Variants in ASXL3 observed in about 807,000 individuals in gnomAD.
ASXL3 encodes putative Polycomb group protein ASXL3.
In ASXL3, 34 loss-of-function variants were observed where a neutral mutation model predicts 170.6. The observed-to-expected ratio is 0.20, with a 90% CI of 0.15 to 0.27. ASXL3 has a LOEUF of 0.27. Among genes scored for constraint, ASXL3 ranks in the 10% least tolerant of loss-of-function variants. The pLI, the probability that ASXL3 is intolerant of heterozygous loss-of-function variation, is 1.00. For synonymous variants in ASXL3, 1,002 were observed against 989.1 expected, an observed-to-expected ratio of 1.01 and a Z score of -0.24; for missense variants, 2,592 against 2,695.3, an observed-to-expected ratio of 0.96 and a Z score of 0.85.
At chr18:33,604,667 G>A (rs112933584) in intron 1 of ASXL3, among the ~76,000 whole-genome samples, 7 of 151,978 alleles carry the variant, frequency 4.6e-5, no homozygotes, top group African/African-American at 1.2e-4. Context: ...CAGAAGTGCC[G>A]TTAGCCATTA....
chr18:33,591,631 G>C (rs1435773970), intron 1 of ASXL3, among the ~76,000 whole-genome samples: 1 of 149,284 alleles, frequency 6.7e-6, no homozygotes, highest in Non-Finnish European at 1.5e-5. Flanking sequence ...ATCTTCTAAT[G>C]ACACTACTTT....
chr18:33,662,874 T>G (rs1668588346), intron 5 of ASXL3, among the ~76,000 whole-genome samples: 2 of 152,178 alleles, frequency 1.3e-5, no homozygotes, highest in African/African-American at 4.8e-5. Context: ...AATATGCACA[T>G]CCAAACTTCT....
At chr18:33,608,197 A>G (rs549323556) in intron 2 of ASXL3, among the ~76,000 whole-genome samples, 2 of 152,040 alleles carry the variant, frequency 1.3e-5, no homozygotes, top group South Asian at 2.1e-4. Context: ...TATATTCACA[A>G]AGTTCTGCAT....
At chr18:33,640,293 A>G (rs990992241) in intron 2 of ASXL3, among the ~76,000 whole-genome samples, 1 of 152,002 alleles carries the variant, frequency 6.6e-6, no homozygotes, top group Non-Finnish European at 1.5e-5. Context: ...TTCAGATAAC[A>G]TATATAAAGC....
chr18:33,712,434 T>C (rs1321797401), intron 8 of ASXL3, among the ~76,000 whole-genome samples: 1 of 152,172 alleles, frequency 6.6e-6, no homozygotes, highest in Non-Finnish European at 1.5e-5. Flanking sequence ...AAAGATGAGA[T>C]ATGAAAGAAT....
intron 8 of ASXL3, among the ~76,000 whole-genome samples, chr18:33,719,028 A>C (rs533396267): frequency 1.3e-5 from 2 of 151,958 alleles, no homozygotes; most frequent in Non-Finnish European, 2.9e-5. Flanking sequence ...CTCACAAAAA[A>C]CTCTAGGAAG....
chr18:33,744,546 A>C lies in ASXL3; in HGVS notation c.4698A>C (p.Pro1566=), dbSNP rs1445611841. The change falls in exon 12 of 12, where the codon CCA becomes CCC. Residue 1566 remains proline, a synonymous_variant. Transcript: ENST00000269197. ...CTSLRELPLV[P]DKLNEPTAPS... is the part of the protein sequence containing the mutation. ...GTCTCCGAGAATTACCCCTTGTTCC[A>C]GATAAATTAAATGAGCCGACTGCTC... 1 of 1,611,924 alleles carries C rather than the reference A, an allele frequency of 6.2e-7. No homozygotes were observed. Among genetic ancestry groups the C allele is most frequent in the Non-Finnish European group, 8.5e-7 (1 of 1,179,440 alleles).
rs752379676 is a variant in ASXL3, at chr18:33,744,361, G to A, written c.4513G>A (p.Val1505Met). The stretch of plus-strand genomic sequence containing the variant: ...CAGCTTGGACCTGCAGGGCAGACCA[G>A]TGAGGACAGAGGCATCCGTACAGCC... ...EASLDLQGRP[V>M]RTEASVQPVA... The change falls in exon 12 of 12, where the codon GTG becomes ATG. Residue 1505 changes from valine (V) to methionine (M), a missense_variant. Physicochemically the swap from Val to Met is conservative, Grantham distance 21. Around this residue, in one of 4 missense-constraint regions of ASXL3, gnomAD observed 2,246 missense variants for 2,219.6 expected, o/e 1.01. Coordinates refer to ENST00000269197, the MANE Select transcript of ASXL3 (RefSeq NM_030632.3). 3 of 1,613,862 alleles carry A rather than the reference G, an allele frequency of 1.9e-6. No homozygotes were observed. Among genetic ancestry groups the A allele is most frequent in the Admixed American group, 1.7e-5 (1 of 60,000 alleles).
chr18:33,713,337 C>T (rs1221588278), intron 8 of ASXL3, among the ~76,000 whole-genome samples: 1 of 78,462 alleles, frequency 1.3e-5, no homozygotes, highest in African/African-American at 5.8e-5. Context: ...TCACTGCAAC[C>T]TCCACCCCCC....
At chr18:33,699,897 T>C (rs1034219759) in intron 8 of ASXL3, among the ~76,000 whole-genome samples, 1 of 152,078 alleles carries the variant, frequency 6.6e-6, no homozygotes, top group Non-Finnish European at 1.5e-5. Context: ...ATTTATATTA[T>C]TGAGTTTTTC....
chr18:33,674,416 C>T (rs1022032368), intron 7 of ASXL3, among the ~76,000 whole-genome samples: 2 of 152,126 alleles, frequency 1.3e-5, no homozygotes, highest in African/African-American at 2.4e-5. Context: ...ACAATTCTGT[C>T]AAAAATAAAC....
intron 2 of ASXL3, among the ~76,000 whole-genome samples, chr18:33,633,706 G>A (rs949522506): frequency 1.6e-4 from 24 of 151,880 alleles, no homozygotes; most frequent in Admixed American, 1.3e-3. Flanking sequence ...TTAGCTGAGC[G>A]TGATGGCGCG....
At position 33,745,349 on chromosome 18, in the gene ASXL3, C is replaced by T. The variant is rs1197471473; in HGVS notation, c.5501C>T (p.Thr1834Ile). ...CACCCCAAAAAGAGAGTAGCTAGGA[C>T]TGTAGGAGAACACACTCAAGTTAAA... ...ENHPKKRVAR[T>I]VGEHTQVKCE... Residue 1834 changes from threonine (T) to isoleucine (I), a missense_variant, in exon 12 of 12, where the codon ACT (threonine) becomes ATT (isoleucine). This residue lies in a region of ASXL3 where 2,246 missense variants were observed against 2,219.6 expected (regional missense o/e 1.01). Coordinates refer to ENST00000269197, the MANE Select transcript of ASXL3 (RefSeq NM_030632.3). 1 of 1,613,982 alleles carries T rather than the reference C, an allele frequency of 6.2e-7. No homozygotes were observed. Among genetic ancestry groups the T allele is most frequent in the Non-Finnish European group, 8.5e-7 (1 of 1,179,886 alleles).
chr18:33,728,637 A>G (rs1171829090), intron 8 of ASXL3, among the ~76,000 whole-genome samples: 1 of 152,148 alleles, frequency 6.6e-6, no homozygotes, highest in Non-Finnish European at 1.5e-5. Context: ...TCCCAGAATC[A>G]TCCTGAGCAA....
At chr18:33,665,059 C>G (rs2066235744) in intron 5 of ASXL3, among the ~76,000 whole-genome samples, 1 of 151,792 alleles carries the variant, frequency 6.6e-6, no homozygotes, top group East Asian at 1.9e-4. Flanking sequence ...AGTTATGATC[C>G]TAAAAAGTGT....
chr18:33,609,510 A>T (rs1474002453), intron 2 of ASXL3, among the ~76,000 whole-genome samples: 1 of 151,904 alleles, frequency 6.6e-6, no homozygotes, highest in Non-Finnish European at 1.5e-5. Flanking sequence ...CATTATTTCA[A>T]TTTTTTCAAA....
chr18:33,648,298 G>T (rs1568303429), intron 4 of ASXL3, among the ~76,000 whole-genome samples: 1 of 152,094 alleles, frequency 6.6e-6, no homozygotes, highest in Admixed American at 6.6e-5. Context: ...TTGAAGGAAA[G>T]TACTAGCAGT....
At chr18:33,586,489 T>G (rs1240585912) in intron 1 of ASXL3, among the ~76,000 whole-genome samples, 1 of 152,148 alleles carries the variant, frequency 6.6e-6, no homozygotes, top group Non-Finnish European at 1.5e-5. Context: ...GTCTCTCTCA[T>G]TTGTAAATCT....
intron 5 of ASXL3, among the ~76,000 whole-genome samples, chr18:33,662,849 C>T (rs565642285): frequency 8.5e-5 from 13 of 152,246 alleles, no homozygotes; most frequent in African/African-American, 2.9e-4. Context: ...GTTCCACCAA[C>T]CACTGAAGCT....
Sources: allele counts gnomAD v4.1 joint callset (sites outside exome capture counted in the v4.1 genomes callset), GRCh38; gene constraint gnomAD v4.1.1; regional missense constraint gnomAD v4.1.1; transcripts MANE v1.5; gene names NCBI Gene and HGNC (gene_info 2026-07-23, HGNC 2026-07-21).